Variants in ADORA2B observed in about 807,000 individuals in gnomAD.
ADORA2B encodes adenosine A2b receptor.
In ADORA2B, 18 loss-of-function variants were observed where a neutral mutation model predicts 20.8. The observed-to-expected ratio is 0.87, with a 90% CI of 0.60 to 1.29. The LOEUF (loss-of-function observed/expected upper bound fraction) is 1.29. Among genes scored for constraint, ADORA2B ranks in the 50% most tolerant of loss-of-function variants. The probability of loss-of-function intolerance (pLI) is 0.00; values close to 1 mark genes in which losing one functional copy is unlikely to be tolerated. For synonymous variants in ADORA2B, 179 were observed against 178.3 expected (o/e 1.00, Z -0.03); for missense variants, 441 against 422.7 (o/e 1.04, Z -0.38).
the ADORA2B span, among the ~76,000 whole-genome samples, chr17:15,892,464 C>T: frequency 4.6e-5 from 7 of 150,658 alleles, no homozygotes; most frequent in African/African-American, 1.5e-4. Flanking sequence ...CCACCGTGCT[C>T]GGCCGAATTT....
At chr17:15,932,116 C>G in the ADORA2B span, among the ~76,000 whole-genome samples, 61 of 152,238 alleles carry the variant, frequency 4.0e-4, no homozygotes, top group Non-Finnish European at 1.3e-4. Context: ...TGATAGTGCC[C>G]TTTGATGTAC....
the ADORA2B span, among the ~76,000 whole-genome samples, chr17:15,905,070 G>A: frequency 6.6e-6 from 1 of 152,112 alleles, no homozygotes; most frequent in African/African-American, 2.4e-5. Context: ...AAAAAAAAAG[G>A]TTTGCTAGAA....
chr17:15,939,664 C>G, the ADORA2B span, among the ~76,000 whole-genome samples: 610 of 151,938 alleles, frequency 4.0e-3, 5 homozygotes, highest in African/African-American at 0.014. Context: ...TTGAGACCAT[C>G]CTGGCTAACA....
In ADORA2B at chr17:15,975,306, G is replaced by A. The variant is rs762569718; in HGVS notation, c.963G>A (p.Gln321=). The A allele has an allele frequency of 1.2e-6, 2 of 1,613,156 alleles. No individual in the cohort carries two copies. The highest frequency in any genetic ancestry group is 1.7e-6 in the Non-Finnish European group (2 of 1,180,032). ...CQADVKSGNG[Q]AGVQPALGVG... The stretch of plus-strand genomic sequence containing the variant: ...CAGATGTCAAGAGTGGGAATGGTCA[G>A]GCTGGGGTACAGCCTGCTCTCGGTG... The change falls in exon 2 of 2, where the codon CAG becomes CAA. Residue 321 remains glutamine, a synonymous_variant. Coordinates refer to ENST00000304222, the MANE Select transcript of ADORA2B (RefSeq NM_000676.4).
the ADORA2B span, among the ~76,000 whole-genome samples, chr17:15,912,663 C>T: frequency 6.6e-6 from 1 of 152,194 alleles, no homozygotes; most frequent in Non-Finnish European, 1.5e-5. Flanking sequence ...CTGCAGCTGT[C>T]TTCAGCTGCT....
In ADORA2B at chr17:15,952,082, T is replaced by G. The variant is rs73276017; in HGVS notation, c.335+6499T>G. On this transcript the variant is annotated intron_variant, in intron 1 of 1. Coordinates refer to ENST00000304222, the MANE Select transcript of ADORA2B (RefSeq NM_000676.4). ...AGGACAGTGGCTGCCTTTGGTTGTC[T>G]GGAGAAGAGGGTAAATGAAAAAAAA... Among the ~76,000 whole-genome samples, 1,209 of 152,130 alleles carry G rather than the reference T, an allele frequency of 7.9e-3. 15 individuals are homozygous for G. The highest frequency in any genetic ancestry group is 0.028 in the African/African-American group (1,160 of 41,516).
At chr17:15,967,732 C>T (rs1158574994) in intron 1 of ADORA2B, among the ~76,000 whole-genome samples, 1 of 152,132 alleles carries the variant, frequency 6.6e-6, no homozygotes, top group Admixed American at 6.5e-5. Context: ...TGAGAAAGAG[C>T]GAGGCGTTTC....
chr17:15,933,380 C>T, the ADORA2B span, among the ~76,000 whole-genome samples: 17 of 152,214 alleles, frequency 1.1e-4, no homozygotes, highest in Admixed American at 2.0e-4. Context: ...AGATCAATTT[C>T]GGTAGCATTG....
chr17:15,941,753 A>G (rs576181850), upstream of ADORA2B, among the ~76,000 whole-genome samples: 7 of 151,498 alleles, frequency 4.6e-5, no homozygotes, highest in South Asian at 1.5e-3. Flanking sequence ...AAAAGACTAA[A>G]TGCCATGACT....
the ADORA2B span, among the ~76,000 whole-genome samples, chr17:15,883,126 A>G: frequency 2.0e-5 from 3 of 152,196 alleles, no homozygotes; most frequent in Non-Finnish European, 4.4e-5. Flanking sequence ...CAGCCTTTCT[A>G]AGGATAAGAG....
chr17:15,880,251 C>T, the ADORA2B span, among the ~76,000 whole-genome samples: 2 of 135,726 alleles, frequency 1.5e-5, no homozygotes, highest in African/African-American at 5.8e-5. Context: ...GCTTTGATTT[C>T]TAAGAGATTA....
the ADORA2B span, among the ~76,000 whole-genome samples, chr17:15,909,205 G>GCAACAA: frequency 1.3e-5 from 2 of 151,428 alleles, no homozygotes; most frequent in East Asian, 1.9e-4. Flanking sequence ...AAAAAAAACA[G>GCAACAA]CAACAACAAC....
chr17:15,898,138 G>T, the ADORA2B span, among the ~76,000 whole-genome samples: 2 of 152,166 alleles, frequency 1.3e-5, no homozygotes, highest in African/African-American at 4.8e-5. Flanking sequence ...GGGTGGAGTA[G>T]CAGGGATCTC....
In ADORA2B at chr17:15,963,615, C is replaced by T. The variant is rs201089564; in HGVS notation, c.336-11064C>T. On this transcript the variant is annotated intron_variant, in intron 1 of 1. Transcript: ENST00000304222. ...GAGATCAGAGTCTGGAGCCCAGTAG[C>T]TTTGGGCTGTCTCTGTGTCCCATGT... is the stretch of plus-strand genomic sequence containing the variant. Among the ~76,000 whole-genome samples the T allele has an allele frequency of 9.2e-5, 14 of 152,290 alleles. No individual in the cohort carries two copies. The East Asian group carries it at 2.1e-3, about 23-fold the overall frequency.
chr17:15,961,889 C>T (rs1017798945), intron 1 of ADORA2B, among the ~76,000 whole-genome samples: 1 of 152,240 alleles, frequency 6.6e-6, no homozygotes, highest in Non-Finnish European at 1.5e-5. Flanking sequence ...CCAGAGCCCT[C>T]ATGACCTGAT....
chr17:15,879,662 C>A, the ADORA2B span, among the ~76,000 whole-genome samples: 2 of 149,138 alleles, frequency 1.3e-5, no homozygotes, highest in Non-Finnish European at 1.5e-5. Flanking sequence ...CTCAGCCTCC[C>A]GAGTAGCAGG....
At chr17:15,899,139 A>G in the ADORA2B span, among the ~76,000 whole-genome samples, 2 of 152,030 alleles carry the variant, frequency 1.3e-5, no homozygotes, top group Non-Finnish European at 2.9e-5. Flanking sequence ...CTGAGGCAGG[A>G]GAATCACTTG....
chr17:15,945,683 G>T, intron 1 of ADORA2B, 100 bp downstream of exon 1: 1 of 1,199,290 alleles, frequency 8.3e-7, no homozygotes, highest in Non-Finnish European at 1.1e-6. Context: ...CCCCAGACGG[G>T]CCAGGCTGGG....
the ADORA2B span, among the ~76,000 whole-genome samples, chr17:15,935,897 C>T: frequency 2.1e-5 from 3 of 143,734 alleles, no homozygotes; most frequent in Admixed American, 7.1e-5. Flanking sequence ...GATCGAGTCT[C>T]GCTCTGTCGC....
Sources: gnomAD v4.1 joint callset for allele counts (sites outside exome capture counted in the v4.1 genomes callset) on GRCh38, gnomAD v4.1.1 for gene constraint, MANE v1.5 for transcripts, NCBI Gene and HGNC (gene_info 2026-07-23, HGNC 2026-07-21) for gene names.